MAPK10: variants seen among roughly 807,000 people sequenced by gnomAD.
MAPK10 encodes the protein JNK3 alpha protein kinase.
A neutral mutation model predicts 59.3 loss-of-function variants in MAPK10; 25 were observed. The observed-to-expected ratio is 0.42, with a 90% CI of 0.31 to 0.59. MAPK10 has a LOEUF of 0.59. Among genes scored for constraint, MAPK10 ranks in the 20% least tolerant of loss-of-function variants. The pLI is 0.15. For missense variants in MAPK10, 351 were observed against 568.9 expected, an observed-to-expected ratio of 0.62 and a Z score of 3.90; for synonymous variants, 190 against 200.5, an observed-to-expected ratio of 0.95 and a Z score of 0.44.
intron 2 of MAPK10, among the ~76,000 whole-genome samples, chr4:86,219,413 G>A (rs1035105058): frequency 6.6e-6 from 1 of 152,164 alleles, no homozygotes; most frequent in Non-Finnish European, 1.5e-5. Context: ...AGGAAGAAAA[G>A]GAGGATATTT....
intron 2 of MAPK10, among the ~76,000 whole-genome samples, chr4:86,259,713 A>G: frequency 6.6e-6 from 1 of 152,092 alleles, no homozygotes; most frequent in East Asian, 1.9e-4. Flanking sequence ...ATTTTCTGTA[A>G]TAAATATATA....
chr4:86,542,880 T>C (rs191392529), intron 1 of MAPK10, among the ~76,000 whole-genome samples: 1 of 152,298 alleles, frequency 6.6e-6, no homozygotes, highest in African/African-American at 2.4e-5. Flanking sequence ...AACCTAGCAT[T>C]GCCTGTCACC....
chr4:86,232,894 G>A (rs1216576240), intron 2 of MAPK10, among the ~76,000 whole-genome samples: 1 of 140,500 alleles, frequency 7.1e-6, no homozygotes, highest in Non-Finnish European at 1.5e-5. Context: ...TCAAGGGCAA[G>A]AGCATGAAGA....
intron 1 of MAPK10, among the ~76,000 whole-genome samples, chr4:86,404,631 TA>T (rs1432769786): frequency 6.6e-5 from 10 of 152,220 alleles, no homozygotes; most frequent in Non-Finnish European, 4.4e-5. Context: ...CCTACCATTT[TA>T]AGCACCCTTT....
At chr4:86,139,490 C>T (rs1457553143) in intron 4 of MAPK10, among the ~76,000 whole-genome samples, 1 of 151,380 alleles carries the variant, frequency 6.6e-6, no homozygotes, top group Non-Finnish European at 1.5e-5. Flanking sequence ...ATGTAGAAAG[C>T]TGAAACTGGA....
At chr4:86,511,991 A>G (rs1756310643) in intron 1 of MAPK10, among the ~76,000 whole-genome samples, 1 of 152,068 alleles carries the variant, frequency 6.6e-6, no homozygotes, top group South Asian at 2.1e-4. Flanking sequence ...TCTAATGAAG[A>G]AACTGCTGAA....
intron 12 of MAPK10, 27 bp from the exon 13 acceptor site, chr4:86,029,301 G>A: frequency 2.8e-6 from 4 of 1,439,562 alleles, no homozygotes; most frequent in Non-Finnish European, 3.9e-6. Context: ...TGTTATTATA[G>A]AAAACAAATT....
intron 1 of MAPK10, among the ~76,000 whole-genome samples, chr4:86,403,843 C>T (rs905979967): frequency 2.0e-5 from 3 of 152,120 alleles, no homozygotes; most frequent in South Asian, 2.1e-4. Flanking sequence ...TCCCTTGACA[C>T]GTAGGCATTA....
upstream of MAPK10, among the ~76,000 whole-genome samples, chr4:86,362,453 C>T (rs940237502): frequency 6.6e-6 from 1 of 150,922 alleles, no homozygotes; most frequent in Non-Finnish European, 1.5e-5. Context: ...TTAAAAGCTT[C>T]CACTTATCCT....
intron 6 of MAPK10, 87 bp downstream of exon 6, chr4:86,103,099 G>GTGTGTT: frequency 1.3e-6 from 1 of 776,482 alleles, no homozygotes. Flanking sequence ...GTGTGTGTGT[G>GTGTGTT]TGTGTGTGTG....
intron 2 of MAPK10, among the ~76,000 whole-genome samples, chr4:86,205,989 C>T (rs901031243): frequency 2.0e-5 from 3 of 151,540 alleles, no homozygotes; most frequent in East Asian, 1.9e-4. Flanking sequence ...AATTGGCATA[C>T]GAATTGAAAA....
chr4:86,373,051 C>A (rs552208361), intron 1 of MAPK10, among the ~76,000 whole-genome samples: 14 of 152,048 alleles, frequency 9.2e-5, no homozygotes, highest in Non-Finnish European at 1.9e-4. Context: ...GTAGTGGTAC[C>A]AAAACAGATA....
At chr4:86,069,652 T>C (rs1276201031) in intron 9 of MAPK10, among the ~76,000 whole-genome samples, 1 of 152,100 alleles carries the variant, frequency 6.6e-6, no homozygotes, top group Non-Finnish European at 1.5e-5. Context: ...CATTATAAAT[T>C]ATGAAGAGAC....
At chr4:86,357,146 G>A (rs1024221774) in intron 1 of MAPK10, 3 of 152,164 alleles carry the variant, frequency 2.0e-5, no homozygotes, top group African/African-American at 7.2e-5. Context: ...CTCTTGCTTT[G>A]AGTCCTTTAT....
rs146172067 is a variant in MAPK10 at position 86,438,583 on chromosome 4, A to G, written c.-122+14447T>C. Among the ~76,000 whole-genome samples, 916 of 151,690 alleles carry G rather than the reference A, an allele frequency of 6.0e-3. 7 individuals carry two copies. The highest frequency in any genetic ancestry group is 0.02 in the African/African-American group (818 of 41,290). On this transcript the variant is annotated intron_variant, in intron 1 of 13. Coordinates refer to the MAPK10 transcript ENST00000361569. ...CAGGCGCCTATGATCCCAGCTACTC[A>G]GGAGGTGGAGGCAGGAGAATTGCTT...
At chr4:86,381,023 A>T (rs1448991756) in intron 1 of MAPK10, among the ~76,000 whole-genome samples, 1 of 152,178 alleles carries the variant, frequency 6.6e-6, no homozygotes, top group East Asian at 1.9e-4. Flanking sequence ...TAGACTCTAG[A>T]GTCAGGAGCC....
At position 86,149,494 on chromosome 4, in the gene MAPK10, C is replaced by T. The variant is rs146959700; in HGVS notation, c.236+9804G>A. On this transcript the variant is annotated intron_variant, in intron 4 of 13. Transcript: ENST00000641462. The stretch of plus-strand genomic sequence containing the variant: ...GATAGCCAGGCTGGTCTTGAACACC[C>T]GACCTCAGGTGATACACCCACCTCG... Among the ~76,000 whole-genome samples, 452 of 152,154 alleles carry T rather than the reference C, an allele frequency of 3.0e-3. 8 individuals are homozygous for T. In the East Asian group the frequency reaches 0.063, roughly 21 times the overall value.
At position 86,359,977 on chromosome 4, in the gene MAPK10, A is replaced by G. The variant is rs1736557723; in HGVS notation, c.-441T>C. The G allele has an allele frequency of 1.0e-6, 1 of 985,908 alleles. No homozygotes were observed. The highest frequency in any genetic ancestry group is 1.2e-6 in the Non-Finnish European group (1 of 829,986). 61.1% of individuals were successfully genotyped at this position (985,908 alleles called of 1,614,324 possible). A position where few individuals can be genotyped will look rare whatever the true frequency, so the allele number is the denominator to read the frequency against. On this transcript the variant is annotated 5_prime_UTR_variant, in exon 1 of 14. Coordinates refer to ENST00000641462, the MANE Select transcript of MAPK10 (RefSeq NM_138982.4). ...TGAAGGGGAGGTTAAAGAAAATAGA[A>G]GAAGAGTGGCTTGCTGAATCACCCT...
chr4:86,540,121 G>A (rs1011613955), intron 1 of MAPK10, among the ~76,000 whole-genome samples: 7 of 152,150 alleles, frequency 4.6e-5, no homozygotes, highest in Non-Finnish European at 8.8e-5. Context: ...CATTGTCTTT[G>A]GGAGAGGAGA....
Sources: gnomAD v4.1 joint callset for allele counts (sites outside exome capture counted in the v4.1 genomes callset) on GRCh38, gnomAD v4.1.1 for gene constraint, MANE v1.5 for transcripts, NCBI Gene and HGNC (gene_info 2026-07-23, HGNC 2026-07-21) for gene names.